Variants in PTK7 observed in about 807,000 individuals in gnomAD.
PTK7 encodes inactive tyrosine-protein kinase 7.
Under a neutral mutation model 116.6 loss-of-function variants are expected in PTK7, and 39 were observed. The observed-to-expected ratio is 0.33, with a 90% CI of 0.26 to 0.44. The LOEUF is 0.44. Ranked by LOEUF, PTK7 falls within the 20% of genes least tolerant of loss-of-function variation. The pLI is 1.00. For missense variants in PTK7, 1,169 were observed against 1,425.6 expected, an observed-to-expected ratio of 0.82 and a Z score of 2.90; for synonymous variants, 546 against 563.6, an observed-to-expected ratio of 0.97 and a Z score of 0.44.
chr6:43,108,247 A>G (rs1205873782), intron 1 of PTK7, among the ~76,000 whole-genome samples: 2 of 151,950 alleles, frequency 1.3e-5, no homozygotes, highest in Admixed American at 6.6e-5. Context: ...GGCGCCTGCC[A>G]CCATGCCTGG....
chr6:43,159,899 G>A lies in PTK7; in HGVS notation c.2985G>A (p.Leu995=), dbSNP rs370849398. 1 of 1,614,118 alleles carries A rather than the reference G, an allele frequency of 6.2e-7. No homozygotes were observed. The highest frequency in any genetic ancestry group is 1.3e-5 in the African/African-American group (1 of 74,936). ...TKSDVWAFGV[L]MWEVFTHGEM... is the part of the protein sequence containing the mutation. ...CTGATGTCTGGGCCTTCGGTGTGCT[G>A]ATGTGGGAAGTGTTTACACATGGAG... is the stretch of plus-strand genomic sequence containing the variant. Residue 995 remains leucine (L), a synonymous_variant, in exon 19 of 20, where the codon CTG becomes CTA. Transcript: ENST00000230419.
At chr6:43,110,321 A>G (rs1768125394) in intron 1 of PTK7, among the ~76,000 whole-genome samples, 2 of 151,306 alleles carry the variant, frequency 1.3e-5, no homozygotes, top group East Asian at 2.0e-4. Flanking sequence ...TTAATCATTT[A>G]TGTTTGTTTT....
intron 1 of PTK7, among the ~76,000 whole-genome samples, chr6:43,083,219 A>C (rs1444397123): frequency 6.6e-6 from 1 of 152,230 alleles, no homozygotes; most frequent in Non-Finnish European, 1.5e-5. Context: ...ACCTCAGTAG[A>C]TGCCTCTCTG....
intron 1 of PTK7, among the ~76,000 whole-genome samples, chr6:43,081,627 AC>A (rs1217016704): frequency 6.6e-6 from 1 of 151,732 alleles, no homozygotes; most frequent in Non-Finnish European, 1.5e-5. Context: ...CTGGTCTCGA[AC>A]TCCTGACCTC....
intron 19 of PTK7, among the ~76,000 whole-genome samples, chr6:43,160,306 G>T (rs187954526): frequency 5.3e-5 from 8 of 151,862 alleles, no homozygotes; most frequent in African/African-American, 1.9e-4. Flanking sequence ...TAGTAGAGAT[G>T]GGGGGGCTTC....
At chr6:43,121,015 C>A (rs1337114243) in intron 1 of PTK7, among the ~76,000 whole-genome samples, 1 of 151,554 alleles carries the variant, frequency 6.6e-6, no homozygotes, top group Non-Finnish European at 1.5e-5. Context: ...CTGATGGTGA[C>A]CCCTGGCTGG....
intron 17 of PTK7, among the ~76,000 whole-genome samples, chr6:43,157,364 A>ATATATATATATATTTTTT (rs70990168): frequency 9.2e-5 from 5 of 54,356 alleles, no homozygotes; most frequent in Non-Finnish European, 1.3e-4. Context: ...ATATATATAT[A>ATATATATATATATTTTTT]TTTTTTTTTT....
At chr6:43,151,638 T>TC (rs1455216965) in intron 17 of PTK7, among the ~76,000 whole-genome samples, 1 of 149,342 alleles carries the variant, frequency 6.7e-6, no homozygotes, top group Middle Eastern at 3.5e-3. Context: ...TTGACGCCAT[T>TC]ATCCTGCCTC....
chr6:43,142,694 C>T (rs1052758272), intron 13 of PTK7: 5 of 300,038 alleles, frequency 1.7e-5, no homozygotes, highest in African/African-American at 8.7e-5. Flanking sequence ...AGGCCCTGCA[C>T]TTAACTCTCT....
Position 43,130,282 on chromosome 6 carries a change from A to C in PTK7, c.523A>C (p.Asn175His). 1 of 1,609,446 alleles carries C rather than the reference A, an allele frequency of 6.2e-7. No homozygotes were observed. The highest frequency in any genetic ancestry group is 8.5e-7 in the Non-Finnish European group (1 of 1,176,808). The change falls in exon 4 of 20, where the codon AAC (asparagine) becomes CAC (histidine). Residue 175 changes from asparagine (N) to histidine (H), a missense_variant. By Grantham distance (68) the Asn-to-His change is moderately conservative. Transcript: ENST00000230419. ...GACCCCCCTTTCTGATGGTCAGAGC[A>C]ACCACACAGTCAGCAGCAAGGAGCG... is the stretch of plus-strand genomic sequence containing the variant. Reference protein sequence around the residue: ...DGTPLSDGQSNHTVSSKERNL... With the variant: ...DGTPLSDGQSHHTVSSKERNL...
intron 1 of PTK7, among the ~76,000 whole-genome samples, chr6:43,106,342 C>T (rs1033906085): frequency 6.6e-6 from 1 of 152,094 alleles, no homozygotes; most frequent in Non-Finnish European, 1.5e-5. Flanking sequence ...GGGTCTTGCT[C>T]GATTACCTAG....
At position 43,160,899 on chromosome 6, in the gene PTK7, G is replaced by C. The variant is rs530147383; in HGVS notation, c.*18G>C. 1.2e-6 allele frequency: 2 copies of C among 1,612,324 alleles called. No individual in the cohort carries two copies. The highest frequency in any genetic ancestry group is 2.2e-5 in the South Asian group (2 of 91,004). On this transcript the variant is annotated 3_prime_UTR_variant, in exon 20 of 20. Transcript: ENST00000230419. ...AGCCGTGAGGAGGGAGCCCGCTCAG[G>C]ATGGCCTGGGCAGGGGAGGACATCT...
rs35002545 is a variant in PTK7 at position 43,091,154 on chromosome 6, C to CTTT, written c.79+14603_79+14605dup. Among the ~76,000 whole-genome samples, 93 of 133,078 alleles carry CTTT rather than the reference C, an allele frequency of 7.0e-4. No homozygotes were observed. The East Asian group carries it at 7.9e-3, about 11-fold the overall frequency. 87.3% of individuals were successfully genotyped at this position (133,078 alleles called of 152,430 possible). A position where few individuals can be genotyped will look rare whatever the true frequency, so the allele number is the denominator to read the frequency against. On this transcript the variant is annotated intron_variant, in intron 1 of 19. Transcript: ENST00000230419. The stretch of plus-strand genomic sequence containing the variant: ...TCACTTCTCTGAGCTTCGGTTTCCT[C>CTTT]TTTTTTTTTTTTTTTTTTGTTTTGG...
At chr6:43,121,882 G>T (rs1251614027) in intron 1 of PTK7, among the ~76,000 whole-genome samples, 2 of 152,200 alleles carry the variant, frequency 1.3e-5, no homozygotes, top group Non-Finnish European at 2.9e-5. Context: ...GCTCATGCCT[G>T]TAATCCTAGC....
chr6:43,144,813 T>A (rs78286928), intron 15 of PTK7: 2 of 494,202 alleles, frequency 4.0e-6, no homozygotes, highest in Admixed American at 3.6e-5. Context: ...GTGTACTACC[T>A]GTAGTATTAT....
At position 43,141,648 on chromosome 6, in the gene PTK7, T is replaced by C. The variant is rs753960618; in HGVS notation, c.1619-20T>C. 1.9e-6 allele frequency: 3 copies of C among 1,611,272 alleles called. No individual in the cohort carries two copies. The South Asian group carries it at 3.3e-5, about 18-fold the overall frequency. ...TGTAACCCTGATCCTTCCCATAATTTCCCTTTGTTACCCCTGCAGATGGGA... is the reference window on the plus strand; with the variant it reads ...TGTAACCCTGATCCTTCCCATAATTCCCCTTTGTTACCCCTGCAGATGGGA... On this transcript the variant is annotated intron_variant, in intron 10 of 19. Transcript: ENST00000230419. This position sits in a 1 kb window ranked among gnomAD's most constrained non-coding sequence, Gnocchi z 4.9.
intron 1 of PTK7, among the ~76,000 whole-genome samples, chr6:43,094,501 G>C (rs1293111595): frequency 2.0e-5 from 3 of 149,504 alleles, no homozygotes; most frequent in African/African-American, 7.4e-5. Flanking sequence ...AGTCCGTCTC[G>C]TCGCCCAGGC....
At chr6:43,080,834 C>T (rs754083020) in intron 1 of PTK7, among the ~76,000 whole-genome samples, 3 of 152,104 alleles carry the variant, frequency 2.0e-5, no homozygotes, top group Admixed American at 6.5e-5. Context: ...CCCATCTACT[C>T]AGGAGGCTGA....
chr6:43,151,751 A>T (rs1771108276), intron 17 of PTK7, among the ~76,000 whole-genome samples: 1 of 146,556 alleles, frequency 6.8e-6, no homozygotes, highest in Non-Finnish European at 1.5e-5. Flanking sequence ...GTTGGCCAGG[A>T]TGGACACAAT....
Sources: gnomAD v4.1 joint callset for allele counts (sites outside exome capture counted in the v4.1 genomes callset) on GRCh38, gnomAD v4.1.1 for gene constraint, Gnocchi (gnomAD v3.1) non-coding constraint, MANE v1.5 for transcripts, NCBI Gene and HGNC (gene_info 2026-07-23, HGNC 2026-07-21) for gene names.